CTNNA3: variants seen among roughly 807,000 people sequenced by gnomAD.
CTNNA3 encodes catenin alpha-3.
A neutral mutation model predicts 95.7 loss-of-function variants in CTNNA3; 76 were observed. The ratio of observed to expected loss-of-function variants is 0.79; its 90% CI spans 0.66 to 0.96. CTNNA3 has a LOEUF of 0.96. Ranked by LOEUF, CTNNA3 falls within the 40% of genes least tolerant of loss-of-function variation. CTNNA3 has a pLI of 0.00. For synonymous variants in CTNNA3, 431 were observed against 374.4 expected, an observed-to-expected ratio of 1.15 and a Z score of -1.74; for missense variants, 1,191 against 1,089.8, an observed-to-expected ratio of 1.09 and a Z score of -1.31.
At chr10:66,495,910 G>T (rs1840083915) in intron 11 of CTNNA3, among the ~76,000 whole-genome samples, 1 of 151,902 alleles carries the variant, frequency 6.6e-6, no homozygotes, top group Non-Finnish European at 1.5e-5. Flanking sequence ...TGCCTGCCTT[G>T]GCCTCCCAAA....
intron 5 of CTNNA3, among the ~76,000 whole-genome samples, chr10:67,237,805 T>C (rs1329203591): frequency 6.6e-6 from 1 of 152,144 alleles, no homozygotes; most frequent in Non-Finnish European, 1.5e-5. Flanking sequence ...CTCAGATGTG[T>C]ATTTACAAAG....
At chr10:66,940,337 T>A (rs1043382679) in intron 7 of CTNNA3, among the ~76,000 whole-genome samples, 2 of 151,412 alleles carry the variant, frequency 1.3e-5, no homozygotes, top group Non-Finnish European at 2.9e-5. Context: ...CTACAAAAAA[T>A]GAAAAAAAAT....
intron 17 of CTNNA3, among the ~76,000 whole-genome samples, chr10:65,933,401 T>C (rs1670151): frequency 0.15 from 22,996 of 152,208 alleles, 2,162 homozygotes; most frequent in South Asian, 0.23. Context: ...TCTGATATAC[T>C]TCCTGGAGCA....
chr10:66,259,410 C>T (rs1461070708), intron 13 of CTNNA3, among the ~76,000 whole-genome samples: 1 of 152,016 alleles, frequency 6.6e-6, no homozygotes, highest in Admixed American at 6.6e-5. Context: ...TGGGGGAACA[C>T]AAAGGGTCAA....
intron 7 of CTNNA3, among the ~76,000 whole-genome samples, chr10:66,967,122 G>T (rs1480482886): frequency 6.6e-6 from 1 of 151,998 alleles, no homozygotes; most frequent in Non-Finnish European, 1.5e-5. Flanking sequence ...TTCTGCTAAT[G>T]AAACAATGGT....
chr10:66,187,680 A>G (rs1316881116), intron 13 of CTNNA3, among the ~76,000 whole-genome samples: 1 of 152,090 alleles, frequency 6.6e-6, no homozygotes, highest in African/African-American at 2.4e-5. Context: ...GTTAACCAAT[A>G]AGAAAGTTTA....
chr10:66,300,850 G>A (rs1033488533), intron 12 of CTNNA3, among the ~76,000 whole-genome samples: 22 of 151,640 alleles, frequency 1.5e-4, no homozygotes, highest in African/African-American at 5.1e-4. Flanking sequence ...AATGAATTTG[G>A]AAGCAGAAAA....
intron 3 of CTNNA3, among the ~76,000 whole-genome samples, chr10:67,595,843 G>A (rs757481120): frequency 2.6e-5 from 4 of 152,128 alleles, no homozygotes; most frequent in African/African-American, 9.7e-5. Context: ...GAATAGTTAA[G>A]TCTTCTTGTT....
chr10:66,851,633 TACAC>T lies in CTNNA3; in HGVS notation c.1048-76113_1048-76110del, dbSNP rs35986426. The stretch of plus-strand genomic sequence containing the variant: ...CACCCACCTCTCTCTTTCTCTCACA[TACAC>T]ACACACACACACACACACACACACA... On this transcript the variant is annotated intron_variant, in intron 7 of 17. Transcript: ENST00000433211. Among the ~76,000 whole-genome samples, 192 of 144,480 alleles carry T rather than the reference TACAC, an allele frequency of 1.3e-3. 2 individuals carry two copies. Among genetic ancestry groups the T allele is most frequent in the East Asian group, 8.1e-3 (36 of 4,442 alleles). The allele number at this position is 144,480 out of a possible 152,430, so 94.8% of individuals were successfully genotyped here. A position where few individuals can be genotyped will look rare whatever the true frequency, so the allele number is the denominator to read the frequency against.
At chr10:67,098,852 A>T (rs933071182) in intron 7 of CTNNA3, 1 of 151,926 alleles carries the variant, frequency 6.6e-6, no homozygotes, top group African/African-American at 2.4e-5. Context: ...ACCATCAGTC[A>T]GTGCAAAATG....
chr10:67,265,889 C>T (rs1467945876), intron 5 of CTNNA3, among the ~76,000 whole-genome samples: 2 of 152,130 alleles, frequency 1.3e-5, no homozygotes, highest in African/African-American at 4.8e-5. Context: ...GCTTGAGGTT[C>T]TCCAGCAAAG....
chr10:67,411,128 T>G (rs1845351879), intron 5 of CTNNA3, among the ~76,000 whole-genome samples: 1 of 152,074 alleles, frequency 6.6e-6, no homozygotes, highest in Non-Finnish European at 1.5e-5. Context: ...GTTCGAGAAA[T>G]GTACAACATG....
intron 11 of CTNNA3, among the ~76,000 whole-genome samples, chr10:66,494,459 A>G (rs1046295269): frequency 1.3e-5 from 2 of 152,238 alleles, no homozygotes; most frequent in African/African-American, 4.8e-5. Flanking sequence ...TTTCCCTTGT[A>G]GAAGCTATGG....
chr10:66,363,302 G>A (rs1189056478), intron 12 of CTNNA3, among the ~76,000 whole-genome samples: 1 of 152,190 alleles, frequency 6.6e-6, no homozygotes, highest in East Asian at 1.9e-4. Flanking sequence ...TCCCTAATGT[G>A]ATGGTATTTG....
intron 12 of CTNNA3, among the ~76,000 whole-genome samples, chr10:66,323,917 T>C (rs1487593959): frequency 1.3e-5 from 2 of 151,898 alleles, no homozygotes; most frequent in Non-Finnish European, 2.9e-5. Context: ...TGAGAGGAGT[T>C]CGGCTTGGGG....
intron 17 of CTNNA3, among the ~76,000 whole-genome samples, chr10:65,953,799 G>C (rs924884059): frequency 6.6e-6 from 1 of 152,108 alleles, no homozygotes; most frequent in Admixed American, 6.5e-5. Flanking sequence ...TGGACATTTG[G>C]GTTGGTTCCA....
chr10:66,968,859 C>A (rs1925559), intron 7 of CTNNA3, among the ~76,000 whole-genome samples: 141,991 of 151,852 alleles, frequency 0.94, 66,916 homozygotes, highest in East Asian at 1. Context: ...TCTACCAAAA[C>A]TACAAAAATT....
intron 16 of CTNNA3, among the ~76,000 whole-genome samples, chr10:65,985,284 G>A (rs1451549942): frequency 1.3e-5 from 2 of 150,592 alleles, no homozygotes; most frequent in Non-Finnish European, 3.0e-5. Context: ...TTTCCAAAAG[G>A]AAATAAATAT....
chr10:67,517,367 T>C (rs1252311049), intron 5 of CTNNA3, among the ~76,000 whole-genome samples: 1 of 152,192 alleles, frequency 6.6e-6, no homozygotes, highest in Non-Finnish European at 1.5e-5. Flanking sequence ...CAGTCATTTT[T>C]ATCAAATAAA....
Sources: gnomAD v4.1 joint callset for allele counts (sites outside exome capture counted in the v4.1 genomes callset) on GRCh38, gnomAD v4.1.1 for gene constraint, MANE v1.5 for transcripts, NCBI Gene and HGNC (gene_info 2026-07-23, HGNC 2026-07-21) for gene names.